The following ASAP1 variants were observed in gnomAD, a reference collection of about 807,000 sequenced individuals.
ASAP1 encodes the protein arf-GAP with SH3 domain, ANK repeat and PH domain-containing protein 1.
A neutral mutation model predicts 145.2 loss-of-function variants in ASAP1; 43 were observed. The ratio of observed to expected loss-of-function variants is 0.30; its 90% CI spans 0.23 to 0.38. The LOEUF is 0.38. ASAP1 is among the 10% of genes least tolerant of loss of function. The pLI, the probability that ASAP1 is intolerant of heterozygous loss-of-function variation, is 1.00. For missense variants in ASAP1, 1,018 were observed against 1,355.3 expected (o/e 0.75, Z 3.91); for synonymous variants, 546 against 515.5 (o/e 1.06, Z -0.80).
In ASAP1 at chr8:130,256,753, A is replaced by ATATC. The variant is rs1554860183; in HGVS notation, c.187-19760_187-19759insGATA. On this transcript the variant is annotated intron_variant, in intron 3 of 29. Coordinates refer to ENST00000518721, the MANE Select transcript of ASAP1 (RefSeq NM_018482.4). ...TATACACATTCTTATATATATATATATATATATATATATATATATATATAT... is the reference window on the plus strand; with the variant it reads ...TATACACATTCTTATATATATATATATATCTATATATATATATATATATATATAT... Among the ~76,000 whole-genome samples, 14 of 67,020 alleles carry ATATC rather than the reference A, an allele frequency of 2.1e-4. 4 individuals are homozygous for ATATC. Among genetic ancestry groups the ATATC allele is most frequent in the Non-Finnish European group, 6.0e-5 (2 of 33,378 alleles). The allele number at this position is 67,020 out of a possible 152,430, so 44.0% of individuals were successfully genotyped here. A position where few individuals can be genotyped will look rare whatever the true frequency, so the allele number is the denominator to read the frequency against.
intron 4 of ASAP1, among the ~76,000 whole-genome samples, chr8:130,219,409 G>A (rs1280554400): frequency 2.0e-5 from 3 of 152,160 alleles, no homozygotes; most frequent in Non-Finnish European, 4.4e-5. Flanking sequence ...ACACTGCAGA[G>A]TACAGTAAGC....
At chr8:130,377,735 G>A (rs1565263241) in intron 2 of ASAP1, among the ~76,000 whole-genome samples, 1 of 152,196 alleles carries the variant, frequency 6.6e-6, no homozygotes, top group Non-Finnish European at 1.5e-5. Context: ...GTCAGAGGAG[G>A]GGAGTGCTCC....
intron 13 of ASAP1, among the ~76,000 whole-genome samples, chr8:130,146,036 G>A (rs999210678): frequency 7.7e-6 from 1 of 130,540 alleles, no homozygotes; most frequent in African/African-American, 2.9e-5. Flanking sequence ...TTTTTTTTTA[G>A]AGATGGGGTT....
chr8:130,323,843 C>T (rs1274697008), intron 3 of ASAP1, among the ~76,000 whole-genome samples: 11 of 152,162 alleles, frequency 7.2e-5, no homozygotes, highest in Non-Finnish European at 1.5e-5. Context: ...ATCTTTTTAT[C>T]CTACTGCCTA....
At chr8:130,113,978 C>T (rs879625143) in intron 23 of ASAP1, among the ~76,000 whole-genome samples, 15 of 152,126 alleles carry the variant, frequency 9.9e-5, no homozygotes, top group Admixed American at 3.3e-4. Flanking sequence ...GAGAGGGTTT[C>T]GCCATGTTGC....
At chr8:130,300,153 C>CACACACACAGAGAGAGAGAGAGAG (rs1196584279) in intron 3 of ASAP1, among the ~76,000 whole-genome samples, 3 of 76,888 alleles carry the variant, frequency 3.9e-5, no homozygotes, top group African/African-American at 5.4e-5. Context: ...CACACACACA[C>CACACACACAGAGAGAGAGAGAGAG]AGAGAGAGAG....
intron 25 of ASAP1, among the ~76,000 whole-genome samples, chr8:130,081,826 T>C (rs2135335127): frequency 6.6e-6 from 1 of 152,336 alleles, no homozygotes; most frequent in East Asian, 1.9e-4. Context: ...GCCCTGATAG[T>C]AACATTATTA....
chr8:130,111,565 A>G (rs72722339), intron 24 of ASAP1, among the ~76,000 whole-genome samples: 8,108 of 152,284 alleles, frequency 0.053, 284 homozygotes, highest in Middle Eastern at 0.078. Context: ...ATTACAAAAG[A>G]AGTACTAGGC....
chr8:130,215,842 T>G (rs1352504505), intron 4 of ASAP1, among the ~76,000 whole-genome samples: 1 of 151,652 alleles, frequency 6.6e-6, no homozygotes, highest in Non-Finnish European at 1.5e-5. Context: ...GGAGGACTGC[T>G]GGAGACTGGG....
chr8:130,111,988 A>G, intron 24 of ASAP1, 106 bp downstream of exon 24: 8 of 1,097,630 alleles, frequency 7.3e-6, no homozygotes, highest in Non-Finnish European at 1.1e-5. Context: ...CGCCACTCAA[A>G]TGTACCTTGC....
intron 27 of ASAP1, among the ~76,000 whole-genome samples, chr8:130,071,563 T>C (rs986006488): frequency 5.9e-5 from 9 of 152,132 alleles, no homozygotes; most frequent in Admixed American, 2.0e-4. Context: ...TCAAAAAAGT[T>C]TGGAGATTAA....
At chr8:130,242,312 GA>G (rs1020713589) in intron 3 of ASAP1, among the ~76,000 whole-genome samples, 7 of 131,544 alleles carry the variant, frequency 5.3e-5, no homozygotes, top group South Asian at 2.5e-4. Context: ...AACTCACTTG[GA>G]AAAAAAAAGG....
intron 2 of ASAP1, among the ~76,000 whole-genome samples, chr8:130,370,167 T>C (rs967365773): frequency 6.6e-6 from 1 of 152,140 alleles, no homozygotes; most frequent in Admixed American, 6.5e-5. Context: ...CCAAGCATGG[T>C]GGCGCACACA....
At chr8:130,106,025 C>A (rs7837833) in intron 24 of ASAP1, among the ~76,000 whole-genome samples, 30,999 of 152,102 alleles carry the variant, frequency 0.2, 4,154 homozygotes, top group African/African-American at 0.38. Flanking sequence ...CCTTTCCACA[C>A]CCTGGCAGTC....
At chr8:130,289,721 A>G (rs189781117) in intron 3 of ASAP1, among the ~76,000 whole-genome samples, 1 of 152,356 alleles carries the variant, frequency 6.6e-6, no homozygotes, top group East Asian at 1.9e-4. Context: ...GAAGTATCTT[A>G]CTTGTATCCA....
At chr8:130,117,033 C>CT in intron 20 of ASAP1, 38 bp from the exon 21 acceptor site, 1 of 1,465,552 alleles carries the variant, frequency 6.8e-7, no homozygotes, top group Non-Finnish European at 9.4e-7. Flanking sequence ...AAATGACTTA[C>CT]TTTATAACTT....
chr8:130,419,354 G>C (rs1829622809), intron 1 of ASAP1, among the ~76,000 whole-genome samples: 1 of 152,118 alleles, frequency 6.6e-6, no homozygotes, highest in Non-Finnish European at 1.5e-5. Flanking sequence ...AACCCAATTG[G>C]GGTCAATAAG....
chr8:130,144,176 C>T (rs991401320), intron 13 of ASAP1, among the ~76,000 whole-genome samples: 22 of 152,264 alleles, frequency 1.4e-4, no homozygotes, highest in African/African-American at 3.9e-4. Context: ...TAACTACAAC[C>T]GTGGTAAGAA....
At chr8:130,169,487 A>C (rs914168726) in intron 9 of ASAP1, among the ~76,000 whole-genome samples, 12 of 152,240 alleles carry the variant, frequency 7.9e-5, no homozygotes, top group African/African-American at 2.7e-4. Context: ...TATAAAGAGA[A>C]ATATGATGGA....
Sources: allele counts gnomAD v4.1 joint callset (sites outside exome capture counted in the v4.1 genomes callset), GRCh38; gene constraint gnomAD v4.1.1; transcripts MANE v1.5; gene names NCBI Gene and HGNC (gene_info 2026-07-23, HGNC 2026-07-21).